Variants in TAFA1 observed in about 807,000 individuals in gnomAD.
The protein encoded by TAFA1 is TAFA chemokine like family member 1.
Under a neutral mutation model 18.5 loss-of-function variants are expected in TAFA1, and 4 were observed. That is an observed-to-expected ratio of 0.22 (90% confidence interval 0.11 to 0.49). TAFA1 has a LOEUF of 0.49. Ranked by LOEUF, TAFA1 falls within the 20% of genes least tolerant of loss-of-function variation. The pLI is 0.98. For synonymous variants in TAFA1, 56 were observed against 55.2 expected, an observed-to-expected ratio of 1.01 and a Z score of -0.06; for missense variants, 147 against 169.0, an observed-to-expected ratio of 0.87 and a Z score of 0.72.
At chr3:68,052,238 T>C (rs2064480044) in intron 2 of TAFA1, among the ~76,000 whole-genome samples, 1 of 152,172 alleles carries the variant, frequency 6.6e-6, no homozygotes, top group African/African-American at 2.4e-5. Context: ...TTTCTAAGTA[T>C]TGAGATCTTC....
intron 2 of TAFA1, among the ~76,000 whole-genome samples, chr3:68,109,894 T>C (rs137967859): frequency 0.025 from 3,820 of 152,294 alleles, 87 homozygotes; most frequent in Middle Eastern, 0.054. Context: ...TGGAAGCTGT[T>C]AGAGATTTTT....
intron 3 of TAFA1, among the ~76,000 whole-genome samples, chr3:68,514,254 C>T (rs886072590): frequency 2.0e-5 from 3 of 152,120 alleles, no homozygotes; most frequent in African/African-American, 7.2e-5. Flanking sequence ...ATTAAAATGG[C>T]CTTTGAACTG....
At position 68,448,155 on chromosome 3, in the gene TAFA1, G is replaced by A. The variant is rs551862374; in HGVS notation, c.259+30735G>A. The stretch of plus-strand genomic sequence containing the variant: ...TCCTAGTAAAAGGACAAAATGAGGA[G>A]GAGTTCTCAGGGCTTCTTAAACTGT... On this transcript the variant is annotated intron_variant, in intron 3 of 4. Transcript: ENST00000478136. Among the ~76,000 whole-genome samples, 44 of 152,232 alleles carry A rather than the reference G, an allele frequency of 2.9e-4. No homozygotes were observed. The South Asian group carries it at 8.1e-3, about 28-fold the overall frequency.
chr3:68,481,758 A>G (rs542627872), intron 3 of TAFA1, among the ~76,000 whole-genome samples: 2 of 152,308 alleles, frequency 1.3e-5, no homozygotes, highest in South Asian at 2.1e-4. Context: ...TTTTTGATCA[A>G]TAATTTAGAG....
chr3:68,370,391 C>T (rs183915706), intron 2 of TAFA1, among the ~76,000 whole-genome samples: 3,816 of 78,314 alleles, frequency 0.049, 223 homozygotes, highest in East Asian at 0.11. Context: ...CATATATATA[C>T]ACACATATAT....
chr3:68,474,248 GTA>G (rs1430901570), intron 3 of TAFA1, among the ~76,000 whole-genome samples: 1 of 152,150 alleles, frequency 6.6e-6, no homozygotes, highest in Non-Finnish European at 1.5e-5. Context: ...ATATAAGTCT[GTA>G]TGTTTCCAGA....
At chr3:68,071,431 T>A (rs564564945) in intron 2 of TAFA1, among the ~76,000 whole-genome samples, 1 of 151,896 alleles carries the variant, frequency 6.6e-6, no homozygotes, top group East Asian at 2.0e-4. Flanking sequence ...AAGATGAGAT[T>A]TGGGTGGGGA....
intron 2 of TAFA1, among the ~76,000 whole-genome samples, chr3:68,064,893 C>T (rs2064654477): frequency 6.6e-6 from 1 of 151,896 alleles, no homozygotes; most frequent in Non-Finnish European, 1.5e-5. Flanking sequence ...TAGGGAATAT[C>T]AGCATTTTTG....
At chr3:68,433,773 A>G (rs1383894596) in intron 3 of TAFA1, among the ~76,000 whole-genome samples, 1 of 152,178 alleles carries the variant, frequency 6.6e-6, no homozygotes. Context: ...TTTGAGAATT[A>G]TATAAGAAAT....
chr3:68,202,647 C>G (rs919454179), intron 2 of TAFA1, among the ~76,000 whole-genome samples: 44 of 151,712 alleles, frequency 2.9e-4, no homozygotes, highest in African/African-American at 1.0e-3. Flanking sequence ...CAATATACCA[C>G]TTTATGGGTA....
intron 2 of TAFA1, among the ~76,000 whole-genome samples, chr3:68,284,654 A>C (rs1397354969): frequency 6.6e-6 from 1 of 152,214 alleles, no homozygotes; most frequent in Non-Finnish European, 1.5e-5. Context: ...CAGGCCAGGC[A>C]TGGTGATTCA....
intron 2 of TAFA1, among the ~76,000 whole-genome samples, chr3:68,155,189 C>T (rs577115825): frequency 5.7e-4 from 87 of 152,218 alleles, no homozygotes; most frequent in African/African-American, 2.1e-3. Context: ...ATGACAAGGA[C>T]CCACGTACAG....
chr3:68,244,777 C>A (rs2067044690), intron 2 of TAFA1, among the ~76,000 whole-genome samples: 1 of 152,148 alleles, frequency 6.6e-6, no homozygotes, highest in South Asian at 2.1e-4. Context: ...AGGCATATTT[C>A]TAAGCACATT....
chr3:68,017,324 T>C (rs1704590783), intron 2 of TAFA1, among the ~76,000 whole-genome samples: 3 of 152,348 alleles, frequency 2.0e-5, no homozygotes, highest in South Asian at 2.1e-4. Context: ...GCAACACTTT[T>C]GACAGTTGCT....
chr3:68,246,668 A>G (rs1373377350), intron 2 of TAFA1: 1 of 149,954 alleles, frequency 6.7e-6, no homozygotes, highest in Non-Finnish European at 1.5e-5. Context: ...TTGTTAATAC[A>G]TAATGAGACG....
rs77725276 is a variant in TAFA1 at position 68,517,583 on chromosome 3, G to A, written c.260-21173G>A. 1.6e-3 allele frequency among the ~76,000 whole-genome samples: 249 copies of A among 152,262 alleles called. 9 individuals carry two copies. In the East Asian group the frequency reaches 0.046, roughly 28 times the overall value. On this transcript the variant is annotated intron_variant, in intron 3 of 4. Transcript: ENST00000478136. The stretch of plus-strand genomic sequence containing the variant: ...AACAAGCCTCCTCTGGGCAGCATCT[G>A]ATAGATTTCTGTACTGAAGAAAATA...
At chr3:68,325,026 G>A (rs1241887621) in intron 2 of TAFA1, among the ~76,000 whole-genome samples, 1 of 152,166 alleles carries the variant, frequency 6.6e-6, no homozygotes, top group Non-Finnish European at 1.5e-5. Context: ...TTCAGCAGAA[G>A]GGCATCATGG....
rs370450634 is a variant in TAFA1, at chr3:68,472,412, G to T, written c.259+54992G>T. 1.1e-4 allele frequency among the ~76,000 whole-genome samples: 17 copies of T among 152,122 alleles called. 1 individual carries two copies. The South Asian group carries it at 3.5e-3, about 32-fold the overall frequency. On this transcript the variant is annotated intron_variant, in intron 3 of 4. Transcript: ENST00000478136. ...TTTCCTTTATAAATTACCCAGTCCT[G>T]TGTATGTCTTTATTAACAGCATAAG...
At chr3:68,280,879 G>C (rs140476891) in intron 2 of TAFA1, among the ~76,000 whole-genome samples, 1 of 152,060 alleles carries the variant, frequency 6.6e-6, no homozygotes, top group Non-Finnish European at 1.5e-5. Context: ...TCAACTTTGT[G>C]TTCTTAGGCA....
Sources: allele counts gnomAD v4.1 joint callset (sites outside exome capture counted in the v4.1 genomes callset), GRCh38; gene constraint gnomAD v4.1.1; transcripts MANE v1.5; gene names NCBI Gene and HGNC (gene_info 2026-07-23, HGNC 2026-07-21).